The following GPATCH2 variants were observed in gnomAD, a reference collection of about 807,000 sequenced individuals.
GPATCH2 encodes G patch domain-containing protein 2.
Under a neutral mutation model 58.0 loss-of-function variants are expected in GPATCH2, and 51 were observed. The observed-to-expected ratio is 0.88, with a 90% confidence interval of 0.70 to 1.11. GPATCH2 has a LOEUF of 1.11. Among genes scored for constraint, GPATCH2 ranks in the 50% most tolerant of loss-of-function variants. The probability of loss-of-function intolerance (pLI) is 0.00; values close to 1 mark genes in which losing one functional copy is unlikely to be tolerated. For missense variants in GPATCH2, 625 were observed against 652.2 expected, an observed-to-expected ratio of 0.96 and a Z score of 0.45; for synonymous variants, 222 against 218.5, an observed-to-expected ratio of 1.02 and a Z score of -0.14.
At position 217,567,045 on chromosome 1, in the gene GPATCH2, GCT is replaced by G. The variant is rs1491116767; in HGVS notation, c.1098+43274_1098+43275del. 3.2e-3 allele frequency among the ~76,000 whole-genome samples: 455 copies of G among 140,742 alleles called. 4 individuals are homozygous for G. Among genetic ancestry groups the G allele is most frequent in the Middle Eastern group, 0.015 (4 of 264 alleles). The allele number at this position is 140,742 out of a possible 152,430, so 92.3% of individuals were successfully genotyped here. Reference sequence around the variant, plus strand: ...CATCACTCAGCAAATATAACTTCTGGCTTTTTTTTTTTTTTTTTGAGACGGAG... The same window carrying G: ...CATCACTCAGCAAATATAACTTCTGGTTTTTTTTTTTTTTTTGAGACGGAG... On this transcript the variant is annotated intron_variant, in intron 5 of 9. Transcript: ENST00000366935.
chr1:217,578,531 C>T (rs1293981844), intron 5 of GPATCH2, among the ~76,000 whole-genome samples: 2 of 152,170 alleles, frequency 1.3e-5, no homozygotes, highest in African/African-American at 4.8e-5. Context: ...AGAGTACAGG[C>T]GTCAGCCTCT....
intron 2 of GPATCH2, among the ~76,000 whole-genome samples, chr1:217,617,465 CATT>C (rs1384975903): frequency 6.6e-6 from 1 of 152,094 alleles, no homozygotes; most frequent in African/African-American, 2.4e-5. Flanking sequence ...ACAGAGTCTC[CATT>C]ATTAGTCCAG....
intron 9 of GPATCH2, among the ~76,000 whole-genome samples, chr1:217,442,690 C>T (rs1434863648): frequency 6.6e-6 from 1 of 152,074 alleles, no homozygotes; most frequent in African/African-American, 2.4e-5. Context: ...TGTTATAAAT[C>T]CAGCTACTCT....
intron 9 of GPATCH2, among the ~76,000 whole-genome samples, chr1:217,448,042 G>A (rs1227260008): frequency 9.3e-5 from 14 of 150,652 alleles, no homozygotes; most frequent in Admixed American, 8.6e-4. Context: ...AGGTTGCAGC[G>A]AGCCAAGATC....
intron 9 of GPATCH2, among the ~76,000 whole-genome samples, chr1:217,446,927 T>C (rs1659416604): frequency 6.6e-6 from 1 of 152,200 alleles, no homozygotes; most frequent in East Asian, 1.9e-4. Flanking sequence ...ATTTCACATA[T>C]GTTCGGAGTG....
chr1:217,431,214 T>A lies in GPATCH2; in HGVS notation c.1518A>T (p.Leu506Phe). 6.2e-7 allele frequency: 1 copy of A among 1,611,540 alleles called. No homozygotes were observed. Among genetic ancestry groups the A allele is most frequent in the Non-Finnish European group, 8.5e-7 (1 of 1,177,600 alleles). Residue 506 changes from leucine (L) to phenylalanine (F), a missense_variant, in exon 10 of 10, where the codon TTA becomes TTT. Transcript: ENST00000366935. The stretch of plus-strand genomic sequence containing the variant: ...TTTTTGGTAGAGGAAATCCAAGTCC[T>A]AATCCCTTTGGCCTCTGCATGGCTT... ...PIQAMQRPKG[L>F]GLGFPLPKST...
At chr1:217,602,699 T>C (rs973606791) in intron 5 of GPATCH2, among the ~76,000 whole-genome samples, 7 of 151,948 alleles carry the variant, frequency 4.6e-5, no homozygotes, top group Non-Finnish European at 7.4e-5. Context: ...CTGAGAAACA[T>C]ACAAAGGGAA....
chr1:217,480,600 A>G (rs568126160), intron 8 of GPATCH2, among the ~76,000 whole-genome samples: 152 of 152,306 alleles, frequency 1.0e-3, no homozygotes, highest in African/African-American at 3.4e-3. Flanking sequence ...CAAAAAACTA[A>G]AAATAGAGCT....
intron 1 of GPATCH2, among the ~76,000 whole-genome samples, chr1:217,626,033 G>T (rs1669439560): frequency 6.6e-6 from 1 of 152,072 alleles, no homozygotes; most frequent in African/African-American, 2.4e-5. Context: ...TAGCTATTAG[G>T]TATCTAATTA....
At chr1:217,576,590 C>T (rs939453153) in intron 5 of GPATCH2, among the ~76,000 whole-genome samples, 3 of 152,104 alleles carry the variant, frequency 2.0e-5, no homozygotes, top group East Asian at 3.8e-4. Context: ...TCTGCTATAA[C>T]GGAGAGCTGA....
chr1:217,556,748 G>A (rs923804745), intron 5 of GPATCH2, among the ~76,000 whole-genome samples: 1 of 152,178 alleles, frequency 6.6e-6, no homozygotes, highest in Non-Finnish European at 1.5e-5. Flanking sequence ...ACAAATTCGT[G>A]AGATATGCAT....
At chr1:217,627,067 T>C (rs1669502946) in intron 1 of GPATCH2, among the ~76,000 whole-genome samples, 1 of 152,114 alleles carries the variant, frequency 6.6e-6, no homozygotes, top group Non-Finnish European at 1.5e-5. Context: ...ATTCCAGTTA[T>C]ATTCATTAGC....
At chr1:217,465,108 T>A (rs868091471) in intron 8 of GPATCH2, among the ~76,000 whole-genome samples, 33 of 151,360 alleles carry the variant, frequency 2.2e-4, no homozygotes, top group Non-Finnish European at 1.6e-4. Context: ...AGGAAAAAAA[T>A]CATTTCAGAA....
intron 1 of GPATCH2, among the ~76,000 whole-genome samples, chr1:217,627,270 G>A (rs570578149): frequency 6.6e-6 from 1 of 151,998 alleles, no homozygotes; most frequent in East Asian, 1.9e-4. Flanking sequence ...AAATAATTCT[G>A]CTTTTAAGAT....
intron 2 of GPATCH2, among the ~76,000 whole-genome samples, chr1:217,617,013 C>G (rs867793471): frequency 3.9e-4 from 19 of 49,122 alleles, no homozygotes; most frequent in Middle Eastern, 8.6e-3. Flanking sequence ...GATTGGAGGT[C>G]AAAGATAAAC....
intron 5 of GPATCH2, among the ~76,000 whole-genome samples, chr1:217,575,171 T>C (rs34391829): frequency 0.16 from 24,180 of 152,166 alleles, 2,445 homozygotes; most frequent in Non-Finnish European, 0.22. Flanking sequence ...GTCACAATGC[T>C]AGATTTCTGC....
chr1:217,475,217 T>C (rs1020178274), intron 8 of GPATCH2, among the ~76,000 whole-genome samples: 1 of 152,142 alleles, frequency 6.6e-6, no homozygotes, highest in Non-Finnish European at 1.5e-5. Context: ...GGTGGGTGGA[T>C]CATTTGAGGT....
intron 9 of GPATCH2, among the ~76,000 whole-genome samples, chr1:217,435,108 G>A (rs899406727): frequency 2.6e-5 from 4 of 152,068 alleles, no homozygotes; most frequent in Non-Finnish European, 5.9e-5. Flanking sequence ...TTAAGACTTG[G>A]GAGTGGAACA....
intron 5 of GPATCH2, among the ~76,000 whole-genome samples, chr1:217,520,673 T>C (rs1663407861): frequency 6.6e-6 from 1 of 152,202 alleles, no homozygotes; most frequent in Admixed American, 6.5e-5. Flanking sequence ...GTTATGCTTT[T>C]ACAATGCAAT....
Sources: allele counts gnomAD v4.1 joint callset (sites outside exome capture counted in the v4.1 genomes callset), GRCh38; gene constraint gnomAD v4.1.1; transcripts MANE v1.5; gene names NCBI Gene and HGNC (gene_info 2026-07-23, HGNC 2026-07-21).